Variants in RASSF8 observed in about 807,000 individuals in gnomAD.
RASSF8 encodes the protein Ras association domain family member 8, also known as ras association domain-containing protein 8.
In RASSF8, 22 loss-of-function variants were observed where a neutral mutation model predicts 48.5. The ratio of observed to expected loss-of-function variants is 0.45; its 90% CI spans 0.32 to 0.65. The LOEUF is 0.65. RASSF8 is among the 30% of genes least tolerant of loss of function. The pLI, the probability that RASSF8 is intolerant of heterozygous loss-of-function variation, is 0.03. For missense variants in RASSF8, 418 were observed against 489.2 expected, an observed-to-expected ratio of 0.85 and a Z score of 1.37; for synonymous variants, 127 against 171.5, an observed-to-expected ratio of 0.74 and a Z score of 2.03.
At chr12:26,011,293 A>G (rs1228551778) in intron 2 of RASSF8, among the ~76,000 whole-genome samples, 2 of 151,656 alleles carry the variant, frequency 1.3e-5, no homozygotes, top group Non-Finnish European at 2.9e-5. Context: ...AATAGTAGGT[A>G]CTGACTGTAG....
intron 2 of RASSF8, among the ~76,000 whole-genome samples, chr12:25,998,342 G>C (rs1942178053): frequency 6.8e-6 from 1 of 147,628 alleles, no homozygotes; most frequent in Admixed American, 6.9e-5. Flanking sequence ...TGTTTCTGAA[G>C]ACAAAGCTTT....
chr12:25,979,351 A>G (rs1156644642), intron 1 of RASSF8, among the ~76,000 whole-genome samples: 3 of 152,146 alleles, frequency 2.0e-5, no homozygotes, highest in African/African-American at 4.8e-5. Flanking sequence ...CTCAAGAACA[A>G]AGAGTTGGCC....
intron 2 of RASSF8, among the ~76,000 whole-genome samples, chr12:26,024,173 A>T (rs1024211254): frequency 3.9e-5 from 6 of 152,082 alleles, no homozygotes; most frequent in African/African-American, 7.2e-5. Context: ...TTCTTTTTTT[A>T]AATTTTGAAT....
chr12:26,063,474 GC>G (rs201262393), intron 3 of RASSF8, among the ~76,000 whole-genome samples: 4,425 of 151,958 alleles, frequency 0.029, 91 homozygotes, highest in Middle Eastern at 0.051. Flanking sequence ...ACAGCTCACT[GC>G]AGCCTTGATC....
intron 1 of RASSF8, among the ~76,000 whole-genome samples, chr12:25,971,915 G>A (rs1941495008): frequency 6.6e-6 from 1 of 152,208 alleles, no homozygotes; most frequent in African/African-American, 2.4e-5. Context: ...GTTTAGTATT[G>A]CTTTCCCTGC....
At chr12:25,991,300 C>T (rs1011412215) in intron 1 of RASSF8, among the ~76,000 whole-genome samples, 4 of 152,066 alleles carry the variant, frequency 2.6e-5, no homozygotes, top group Non-Finnish European at 4.4e-5. Context: ...TTACAATAAC[C>T]TGATATTGTG....
intron 1 of RASSF8, among the ~76,000 whole-genome samples, chr12:25,960,090 ATTT>A (rs551768601): frequency 5.7e-4 from 86 of 152,120 alleles, no homozygotes; most frequent in Admixed American, 1.2e-3. Context: ...AGGGACGAAC[ATTT>A]ATGGATTTTC....
At chr12:26,043,212 C>T (rs912322710) in intron 2 of RASSF8, among the ~76,000 whole-genome samples, 9 of 152,080 alleles carry the variant, frequency 5.9e-5, no homozygotes, top group Non-Finnish European at 1.0e-4. Flanking sequence ...ACCTCCACAC[C>T]AAAAAACTGG....
rs1943964060 is a variant in RASSF8, at chr12:26,069,862, G to C, written c.*1044G>C. 2.0e-6 allele frequency: 2 copies of C among 984,736 alleles called. No homozygotes were observed. The highest frequency in any genetic ancestry group is 9.4e-5 in the South Asian group (2 of 21,290). 61.0% of individuals were successfully genotyped at this position (984,736 alleles called of 1,614,324 possible). A position where few individuals can be genotyped will look rare whatever the true frequency, so the allele number is the denominator to read the frequency against. On this transcript the variant is annotated 3_prime_UTR_variant, in exon 6 of 6. Transcript: ENST00000689635. ...CATTGTGGTTTCTTCCAGTCACTTA[G>C]ATGGAAAGGAGGTTAAACCTAGGTA...
intron 2 of RASSF8, among the ~76,000 whole-genome samples, chr12:26,004,956 C>G (rs1565614266): frequency 6.6e-6 from 1 of 151,926 alleles, no homozygotes; most frequent in Non-Finnish European, 1.5e-5. Flanking sequence ...GGGTTTGAGG[C>G]CAGTCTGGGC....
rs1943996544 is a variant in RASSF8, at chr12:26,071,368, G to T, written c.*2550G>T. 2 of 958,074 alleles carry T rather than the reference G, an allele frequency of 2.1e-6. No individual in the cohort carries two copies. The highest frequency in any genetic ancestry group is 9.7e-5 in the South Asian group (2 of 20,676). The allele number at this position is 958,074 out of a possible 1,614,324, so 59.3% of individuals were successfully genotyped here. A position where few individuals can be genotyped will look rare whatever the true frequency, so the allele number is the denominator to read the frequency against. On this transcript the variant is annotated 3_prime_UTR_variant, in exon 6 of 6. Transcript: ENST00000689635. Reference sequence around the variant, plus strand: ...AATTTTCATCTGGGGGAATGTTCAGGTTCTAAATACTAAATTAGATTTCAA... The same window carrying T: ...AATTTTCATCTGGGGGAATGTTCAGTTTCTAAATACTAAATTAGATTTCAA...
chr12:25,971,482 T>A lies in RASSF8; in HGVS notation c.-203+12334T>A, dbSNP rs116162733. Among the ~76,000 whole-genome samples, 464 of 152,308 alleles carry A rather than the reference T, an allele frequency of 3.0e-3. 5 individuals carry two copies. Among genetic ancestry groups the A allele is most frequent in the African/African-American group, 0.011 (444 of 41,566 alleles). On this transcript the variant is annotated intron_variant, in intron 1 of 5. Transcript: ENST00000689635. ...ATATTCAGAATGGAAAAACTTCTGA[T>A]GATCTCTCTTCTGTGTTCTGGTCGG...
chr12:26,048,309 C>T (rs1943416390), intron 2 of RASSF8, among the ~76,000 whole-genome samples: 1 of 152,198 alleles, frequency 6.6e-6, no homozygotes, highest in Non-Finnish European at 1.5e-5. Context: ...CTGACAGCTT[C>T]TTTAGAGCCT....
In RASSF8 at chr12:25,958,714, C is replaced by G. The variant is rs934443215; in HGVS notation, c.-637C>G. On this transcript the variant is annotated 5_prime_UTR_variant, in exon 1 of 6. Transcript: ENST00000689635. ...CCGGCCGCGGGAGCGAGCGGGTCGC[C>G]GACTCCTACGCCCGCGCTCCTCCTA... is the stretch of plus-strand genomic sequence containing the variant. 2 of 146,558 alleles carry G rather than the reference C, an allele frequency of 1.4e-5. No individual in the cohort carries two copies. The highest frequency in any genetic ancestry group is 2.5e-5 in the African/African-American group (1 of 40,742). 9.1% of individuals were successfully genotyped at this position (146,558 alleles called of 1,614,324 possible).
intron 1 of RASSF8, among the ~76,000 whole-genome samples, chr12:25,992,965 GT>G (rs1350927056): frequency 6.6e-6 from 1 of 152,174 alleles, no homozygotes; most frequent in African/African-American, 2.4e-5. Flanking sequence ...TGGTTTGTTA[GT>G]TTTTGTAAAG....
intron 2 of RASSF8, among the ~76,000 whole-genome samples, chr12:26,017,334 A>G (rs1206297180): frequency 6.9e-6 from 1 of 144,660 alleles, no homozygotes; most frequent in Non-Finnish European, 1.5e-5. Flanking sequence ...GTAAAAGCCT[A>G]TAAATATAAC....
rs183697513 is a variant in RASSF8, at chr12:26,040,062, C to T, written c.-108-15174C>T. 1.6e-3 allele frequency among the ~76,000 whole-genome samples: 239 copies of T among 152,194 alleles called. 1 individual carries two copies. Among genetic ancestry groups the T allele is most frequent in the African/African-American group, 5.4e-3 (225 of 41,540 alleles). ...TTCTTGACTTTGATTAATCTCTCAGCGCCATTTATTTGAGCATTAAGATTC... is the reference window on the plus strand; with the variant it reads ...TTCTTGACTTTGATTAATCTCTCAGTGCCATTTATTTGAGCATTAAGATTC... On this transcript the variant is annotated intron_variant, in intron 2 of 5. Coordinates refer to ENST00000689635, the MANE Select transcript of RASSF8 (RefSeq NM_001394098.1).
At chr12:26,045,893 C>T (rs1943362773) in intron 2 of RASSF8, among the ~76,000 whole-genome samples, 1 of 152,168 alleles carries the variant, frequency 6.6e-6, no homozygotes, top group South Asian at 2.1e-4. Flanking sequence ...AGGTAACGAA[C>T]TTAATTTGCC....
rs1018249409 is a variant in RASSF8 at position 25,995,126 on chromosome 12, C to T, written c.-113C>T. The T allele has an allele frequency of 3.3e-5, 5 of 152,208 alleles. No individual in the cohort carries two copies. Among genetic ancestry groups the T allele is most frequent in the African/African-American group, 4.8e-5 (2 of 41,400 alleles). The allele number at this position is 152,208 out of a possible 1,614,324, so 9.4% of individuals were successfully genotyped here. On this transcript the variant is annotated 5_prime_UTR_variant, in exon 2 of 6. Transcript: ENST00000689635. ...TCACTGGCTCGGAGACTCCTGCCTG[C>T]TGAGGTGAGTGGTGCTGAGGTGTAC...
Sources: gnomAD v4.1 joint callset for allele counts (sites outside exome capture counted in the v4.1 genomes callset) on GRCh38, gnomAD v4.1.1 for gene constraint, MANE v1.5 for transcripts, NCBI Gene and HGNC (gene_info 2026-07-23, HGNC 2026-07-21) for gene names.